RYR2: variants seen among roughly 807,000 people sequenced by gnomAD.
RYR2 encodes cardiac muscle ryanodine receptor-calcium release channel.
RYR2 carries 227 observed loss-of-function variants against 601.1 expected under a neutral mutation model. The observed-to-expected ratio is 0.38, with a 90% CI of 0.34 to 0.42. RYR2 has a LOEUF of 0.42. RYR2 is among the 10% of genes least tolerant of loss of function. RYR2 has a pLI of 1.00. For synonymous variants in RYR2, 2,223 were observed against 2,175.1 expected (o/e 1.02, Z -0.61); for missense variants, 4,646 against 6,156.5 (o/e 0.75, Z 8.21).
rs952883891 is a variant in RYR2 at position 237,738,660 on chromosome 1, A to C, written c.11092-3636A>C. Among the ~76,000 whole-genome samples, 6 of 152,054 alleles carry C rather than the reference A, an allele frequency of 3.9e-5. No individual in the cohort carries two copies. The South Asian group carries it at 1.2e-3, about 32-fold the overall frequency. On this transcript the variant is annotated intron_variant, in intron 79 of 104. Coordinates refer to ENST00000366574, the MANE Select transcript of RYR2 (RefSeq NM_001035.3). ...TAATAGTGTTTTCTAAGATTCCTCC[A>C]TACTTTTTTGTGCTGTTGGAGTTCA...
chr1:237,509,843 A>G (rs575007420), intron 23 of RYR2, among the ~76,000 whole-genome samples: 3 of 152,328 alleles, frequency 2.0e-5, no homozygotes, highest in East Asian at 1.9e-4. Flanking sequence ...ATCAGAAAGC[A>G]TGACCGTGTA....
intron 17 of RYR2, among the ~76,000 whole-genome samples, chr1:237,488,993 C>A (rs968097660): frequency 6.6e-6 from 1 of 152,100 alleles, no homozygotes; most frequent in African/African-American, 2.4e-5. Context: ...CTATTACAGG[C>A]CGCGTGGACC....
intron 79 of RYR2, among the ~76,000 whole-genome samples, chr1:237,741,008 A>G (rs1691560601): frequency 6.6e-6 from 1 of 152,218 alleles, no homozygotes; most frequent in Admixed American, 6.5e-5. Context: ...GCAGAAACTC[A>G]AAGGAGAACA....
At chr1:237,532,353 C>T (rs992476934) in intron 25 of RYR2, among the ~76,000 whole-genome samples, 1 of 152,000 alleles carries the variant, frequency 6.6e-6, no homozygotes, top group Non-Finnish European at 1.5e-5. Flanking sequence ...TTAAAAAGAT[C>T]ATTGAGTTAA....
chr1:237,547,301 C>G (rs1238645755), intron 25 of RYR2, among the ~76,000 whole-genome samples: 1 of 151,974 alleles, frequency 6.6e-6, no homozygotes, highest in African/African-American at 2.4e-5. Context: ...CCACTGTGCC[C>G]GGCCTTTTCT....
intron 1 of RYR2, among the ~76,000 whole-genome samples, chr1:237,227,953 C>T (rs1684569367): frequency 6.9e-6 from 1 of 144,538 alleles, no homozygotes; most frequent in Non-Finnish European, 1.5e-5. Flanking sequence ...AAGAACTTAA[C>T]TCTTGTTTTT....
intron 48 of RYR2, among the ~76,000 whole-genome samples, chr1:237,645,522 A>G (rs1682032477): frequency 6.6e-6 from 1 of 152,248 alleles, no homozygotes; most frequent in East Asian, 1.9e-4. Flanking sequence ...CATACAGATT[A>G]GGAAATAGGG....
intron 1 of RYR2, among the ~76,000 whole-genome samples, chr1:237,122,084 T>C (rs1029768052): frequency 1.1e-4 from 16 of 152,310 alleles, no homozygotes; most frequent in African/African-American, 3.8e-4. Flanking sequence ...GGACCATAGA[T>C]AATAGGCTTA....
chr1:237,406,821 G>C (rs1205653337), intron 10 of RYR2, among the ~76,000 whole-genome samples: 2 of 151,988 alleles, frequency 1.3e-5, no homozygotes, highest in Non-Finnish European at 2.9e-5. Flanking sequence ...GTATTAGTAT[G>C]GTACTCTTGT....
chr1:237,739,446 G>T (rs930282352), intron 79 of RYR2, among the ~76,000 whole-genome samples: 1 of 152,046 alleles, frequency 6.6e-6, no homozygotes, highest in Non-Finnish European at 1.5e-5. Context: ...TCACCCCAAC[G>T]GTGGTTTTAC....
intron 6 of RYR2, among the ~76,000 whole-genome samples, chr1:237,371,383 C>A (rs1293530495): frequency 6.6e-6 from 1 of 151,020 alleles, no homozygotes; most frequent in African/African-American, 2.4e-5. Flanking sequence ...TCTTGAGCTC[C>A]CAGGCTGAAA....
chr1:237,341,224 A>C (rs964742866), intron 3 of RYR2, among the ~76,000 whole-genome samples: 1 of 152,208 alleles, frequency 6.6e-6, no homozygotes, highest in African/African-American at 2.4e-5. Flanking sequence ...AAAAATTTTC[A>C]TTTGTAAACA....
At chr1:237,378,282 A>G (rs561896569) in intron 8 of RYR2, among the ~76,000 whole-genome samples, 5 of 152,360 alleles carry the variant, frequency 3.3e-5, no homozygotes, top group African/African-American at 1.2e-4. Context: ...GGGTGGGGAC[A>G]CAGCCGAACC....
chr1:237,422,974 GT>G, intron 11 of RYR2, 117 bp from the exon 12 acceptor site: 2 of 1,198,158 alleles, frequency 1.7e-6, no homozygotes, highest in Non-Finnish European at 2.3e-6. Flanking sequence ...AATATCCTAA[GT>G]TTTTTGAGAA....
intron 2 of RYR2, among the ~76,000 whole-genome samples, chr1:237,303,164 A>G (rs951592805): frequency 1.3e-5 from 2 of 152,192 alleles, no homozygotes; most frequent in Non-Finnish European, 2.9e-5. Context: ...GTCACAAACC[A>G]CATGATATTG....
intron 1 of RYR2, 30 bp downstream of exon 1, chr1:237,042,599 G>C (rs1660045535): frequency 1.6e-6 from 2 of 1,254,414 alleles, no homozygotes; most frequent in Admixed American, 8.3e-5. Context: ...TGTGCTGTCA[G>C]GGGAAGGGGG....
chr1:237,096,627 ATTG>A (rs574204972), intron 1 of RYR2, among the ~76,000 whole-genome samples: 116 of 152,168 alleles, frequency 7.6e-4, no homozygotes, highest in Non-Finnish European at 1.4e-3. Context: ...GGTATCTGGA[ATTG>A]TTGTTGGCTT....
At position 237,757,713 on chromosome 1, in the gene RYR2, G is replaced by T; in HGVS notation, c.11262G>T (p.Met3754Ile). 6.2e-7 allele frequency: 1 copy of T among 1,610,238 alleles called. No homozygotes were observed. The highest frequency in any genetic ancestry group is 8.5e-7 in the Non-Finnish European group (1 of 1,176,658). The change falls in exon 82 of 105, where the codon ATG becomes ATT. Residue 3754 changes from methionine to isoleucine, a missense_variant. Physicochemically the swap from Met to Ile is conservative, Grantham distance 10. Coordinates refer to ENST00000366574, the MANE Select transcript of RYR2 (RefSeq NM_001035.3). ...ATTTCTTAGGTGAAACTGGACCAAT[G>T]GTAGCAGCTACTCTGAAACTTGGAA... is the stretch of plus-strand genomic sequence containing the variant. ...ISASKGETGP[M>I]VAATLKLGIA...
At chr1:237,342,794 G>A (rs796597592) in intron 3 of RYR2, among the ~76,000 whole-genome samples, 99 of 152,320 alleles carry the variant, frequency 6.5e-4, no homozygotes, top group African/African-American at 2.3e-3. Flanking sequence ...ACAAAGAGCA[G>A]CGCAGCAAGA....
Sources: gnomAD v4.1 joint callset for allele counts (sites outside exome capture counted in the v4.1 genomes callset) on GRCh38, gnomAD v4.1.1 for gene constraint, MANE v1.5 for transcripts, NCBI Gene and HGNC (gene_info 2026-07-23, HGNC 2026-07-21) for gene names.